Variants in ENTHD1 observed in about 807,000 individuals in gnomAD.
ENTHD1 encodes ENTH domain-containing protein 1.
Under a neutral mutation model 39.1 loss-of-function variants are expected in ENTHD1, and 23 were observed. The observed-to-expected ratio is 0.59, with a 90% CI of 0.42 to 0.83. The LOEUF is 0.83. Among genes scored for constraint, ENTHD1 ranks in the 40% least tolerant of loss-of-function variants. The pLI, the probability that ENTHD1 is intolerant of heterozygous loss-of-function variation, is 0.00. For synonymous variants in ENTHD1, 230 were observed against 258.2 expected (o/e 0.89, Z 1.05); for missense variants, 624 against 705.4 (o/e 0.88, Z 1.31).
chr22:39,848,735 T>G (rs551712199), intron 3 of ENTHD1, among the ~76,000 whole-genome samples: 2 of 152,314 alleles, frequency 1.3e-5, no homozygotes, highest in Non-Finnish European at 2.9e-5. Flanking sequence ...AAACTCTGCC[T>G]ACCACAAATG....
At chr22:39,765,091 C>G (rs1225991291) in intron 6 of ENTHD1, 132 bp downstream of exon 6, 3 of 1,376,794 alleles carry the variant, frequency 2.2e-6, no homozygotes, top group African/African-American at 2.9e-5. Flanking sequence ...ATTTTAATAT[C>G]AATGATGAAG....
chr22:39,835,085 C>T (rs1385634682), intron 4 of ENTHD1, among the ~76,000 whole-genome samples: 1 of 152,040 alleles, frequency 6.6e-6, no homozygotes, highest in East Asian at 1.9e-4. Context: ...GAACCACACA[C>T]ACAAAAACAC....
chr22:39,789,177 A>G (rs190188316), intron 5 of ENTHD1, among the ~76,000 whole-genome samples: 2 of 152,318 alleles, frequency 1.3e-5, no homozygotes, highest in Admixed American at 6.5e-5. Flanking sequence ...TAATGTTGCA[A>G]TGAACACAAG....
intron 6 of ENTHD1, among the ~76,000 whole-genome samples, chr22:39,749,265 TCA>T (rs2065130307): frequency 2.0e-5 from 3 of 152,212 alleles, no homozygotes; most frequent in Non-Finnish European, 4.4e-5. Flanking sequence ...TTGTTAACAT[TCA>T]CACAGTCTAC....
intron 3 of ENTHD1, among the ~76,000 whole-genome samples, chr22:39,844,661 G>A (rs915062312): frequency 4.6e-5 from 7 of 152,124 alleles, no homozygotes; most frequent in Non-Finnish European, 1.0e-4. Context: ...GCCAAGCAAA[G>A]AAACAAGATC....
chr22:39,775,362 C>T (rs1350128085), intron 5 of ENTHD1, among the ~76,000 whole-genome samples: 1 of 152,142 alleles, frequency 6.6e-6, no homozygotes, highest in African/African-American at 2.4e-5. Context: ...TTCAATGAAT[C>T]ATAAGCTGGA....
At chr22:39,858,821 A>C (rs2146719873) in intron 3 of ENTHD1, among the ~76,000 whole-genome samples, 1 of 152,332 alleles carries the variant, frequency 6.6e-6, no homozygotes, top group Non-Finnish European at 1.5e-5. Context: ...AGTTGGCTTC[A>C]ACTTAAAGTC....
At chr22:39,841,941 A>C (rs1320309112) in intron 3 of ENTHD1, among the ~76,000 whole-genome samples, 1 of 150,538 alleles carries the variant, frequency 6.6e-6, no homozygotes, top group African/African-American at 2.4e-5. Context: ...GGTGGTGACA[A>C]AATCTCTCAG....
At chr22:39,791,639 C>T (rs1290736361) in intron 5 of ENTHD1, among the ~76,000 whole-genome samples, 2 of 152,142 alleles carry the variant, frequency 1.3e-5, no homozygotes, top group African/African-American at 4.8e-5. Context: ...CTCAGGTAAT[C>T]TGCCTGCCTC....
intron 1 of ENTHD1, among the ~76,000 whole-genome samples, chr22:39,892,158 C>G (rs572864922): frequency 6.6e-6 from 1 of 152,192 alleles, no homozygotes; most frequent in Admixed American, 6.5e-5. Context: ...TAAAACTTAC[C>G]ATTCAGTTAA....
chr22:39,785,549 T>C (rs953680857), intron 5 of ENTHD1, among the ~76,000 whole-genome samples: 1 of 152,202 alleles, frequency 6.6e-6, no homozygotes, highest in African/African-American at 2.4e-5. Flanking sequence ...CACCTTTGTG[T>C]TGGTTGTTGC....
At chr22:39,797,979 A>G (rs1298570440) in intron 5 of ENTHD1, among the ~76,000 whole-genome samples, 2 of 152,132 alleles carry the variant, frequency 1.3e-5, no homozygotes, top group East Asian at 3.8e-4. Context: ...TAAATCTCTT[A>G]ATAGACTTAG....
rs765500334 is a variant in ENTHD1, at chr22:39,811,014, G to A, written c.832+9979C>T. ...TATCACATTGATGATACAGTGCTAA[G>A]TGGACTTATGCAAGAAGTGGCAAGC... On this transcript the variant is annotated intron_variant, in intron 5 of 6. Transcript: ENST00000325157. 3.9e-5 allele frequency among the ~76,000 whole-genome samples: 6 copies of A among 152,202 alleles called. No homozygotes were observed. In the South Asian group the frequency reaches 1.2e-3, roughly 32 times the overall value.
intron 2 of ENTHD1, among the ~76,000 whole-genome samples, chr22:39,864,494 T>C (rs2066168865): frequency 6.6e-6 from 1 of 152,230 alleles, no homozygotes; most frequent in Non-Finnish European, 1.5e-5. Context: ...TATCATTACC[T>C]AATATTATAT....
intron 2 of ENTHD1, among the ~76,000 whole-genome samples, chr22:39,863,683 A>C (rs969921563): frequency 2.6e-5 from 4 of 152,226 alleles, no homozygotes; most frequent in Non-Finnish European, 1.5e-5. Flanking sequence ...TTCAAAAATA[A>C]ACTGAAAAGT....
chr22:39,839,157 T>C (rs1318571892), intron 3 of ENTHD1, among the ~76,000 whole-genome samples: 1 of 152,124 alleles, frequency 6.6e-6, no homozygotes, highest in African/African-American at 2.4e-5. Flanking sequence ...AGGTACATAG[T>C]GTTTCAAAAT....
intron 6 of ENTHD1, among the ~76,000 whole-genome samples, chr22:39,759,447 T>C (rs2065212275): frequency 6.6e-6 from 1 of 152,080 alleles, no homozygotes; most frequent in Non-Finnish European, 1.5e-5. Context: ...AATCTATAGG[T>C]TTTTTAGTTA....
At chr22:39,820,969 C>A (rs756075838) in intron 5 of ENTHD1, 24 bp downstream of exon 5, 1 of 1,612,354 alleles carries the variant, frequency 6.2e-7, no homozygotes, top group Non-Finnish European at 8.5e-7. Context: ...GATAAGTAAA[C>A]TTCCTATTCC....
At chr22:39,796,298 G>C (rs1309504334) in intron 5 of ENTHD1, among the ~76,000 whole-genome samples, 1 of 151,678 alleles carries the variant, frequency 6.6e-6, no homozygotes, top group Non-Finnish European at 1.5e-5. Context: ...TTTGAGACAG[G>C]GTCTTGCTCT....
Sources: gnomAD v4.1 joint callset for allele counts (sites outside exome capture counted in the v4.1 genomes callset) on GRCh38, gnomAD v4.1.1 for gene constraint, MANE v1.5 for transcripts, NCBI Gene and HGNC (gene_info 2026-07-23, HGNC 2026-07-21) for gene names.